The following ACVR1C variants were observed in gnomAD, a reference collection of about 807,000 sequenced individuals.
The protein encoded by ACVR1C is activin receptor type-1C.
ACVR1C carries 23 observed loss-of-function variants against 57.9 expected under a neutral mutation model. The ratio of observed to expected loss-of-function variants is 0.40; its 90% CI spans 0.29 to 0.56. The LOEUF (loss-of-function observed/expected upper bound fraction) is 0.56, where lower values mean the gene tolerates loss of function less well. ACVR1C is among the 20% of genes least tolerant of loss of function. The pLI is 0.50. For synonymous variants in ACVR1C, 214 were observed against 215.3 expected (o/e 0.99, Z 0.05); for missense variants, 480 against 607.9 (o/e 0.79, Z 2.21).
At chr2:157,542,044 A>G (rs1348990745) in intron 6 of ACVR1C, among the ~76,000 whole-genome samples, 3 of 152,174 alleles carry the variant, frequency 2.0e-5, no homozygotes, top group Non-Finnish European at 2.9e-5. Flanking sequence ...CTGACCTGAC[A>G]CATGTGTGGT....
chr2:157,568,105 C>T (rs1232664129), intron 2 of ACVR1C, among the ~76,000 whole-genome samples: 5 of 149,056 alleles, frequency 3.4e-5, no homozygotes, highest in Non-Finnish European at 7.4e-5. Flanking sequence ...CATATCCAGC[C>T]AAACTAAGCT....
At position 157,544,533 on chromosome 2, in the gene ACVR1C, A is replaced by G. The variant is rs1687699878; in HGVS notation, c.855T>C (p.Asn285=). The change falls in exon 5 of 9, where the codon AAT becomes AAC. Residue 285 remains asparagine, a synonymous_variant. Transcript: ENST00000243349. ...TGATCATTCCAGCCACGGTCACTATATTTCTATTCAAATAGTCATATAAGG... is the reference window on the plus strand; with the variant it reads ...TGATCATTCCAGCCACGGTCACTATGTTTCTATTCAAATAGTCATATAAGG... ...QGSLYDYLNR[N]IVTVAGMIKL... 2.5e-6 allele frequency: 4 copies of G among 1,614,030 alleles called. No individual in the cohort carries two copies. Among genetic ancestry groups the G allele is most frequent in the Middle Eastern group, 3.3e-4 (2 of 6,062 alleles).
intron 1 of ACVR1C, among the ~76,000 whole-genome samples, chr2:157,588,542 G>C (rs1045118242): frequency 1.3e-5 from 2 of 151,526 alleles, no homozygotes; most frequent in Non-Finnish European, 3.0e-5. Context: ...TCACCCAAAT[G>C]GTGTACATTG....
At chr2:157,558,900 G>C (rs1200763174) in intron 2 of ACVR1C, among the ~76,000 whole-genome samples, 1 of 152,086 alleles carries the variant, frequency 6.6e-6, no homozygotes, top group Non-Finnish European at 1.5e-5. Context: ...TTCTAAAAAA[G>C]CCACAGAATG....
At chr2:157,575,743 T>C (rs1688630033) in intron 2 of ACVR1C, among the ~76,000 whole-genome samples, 1 of 152,192 alleles carries the variant, frequency 6.6e-6, no homozygotes, top group South Asian at 2.1e-4. Flanking sequence ...GTGAAATGGG[T>C]ATGGAAGAAA....
intron 2 of ACVR1C, among the ~76,000 whole-genome samples, chr2:157,575,780 G>A (rs142382285): frequency 2.0e-5 from 3 of 152,228 alleles, no homozygotes; most frequent in African/African-American, 7.2e-5. Flanking sequence ...ACACTTATTT[G>A]TAGTCATATT....
At chr2:157,550,090 T>A in intron 4 of ACVR1C, 72 bp downstream of exon 4, 4 of 967,286 alleles carry the variant, frequency 4.1e-6, no homozygotes, top group Non-Finnish European at 5.9e-6. Context: ...CTAGACAACA[T>A]TTTTTTTTTG....
At chr2:157,575,576 C>T (rs1688625732) in intron 2 of ACVR1C, among the ~76,000 whole-genome samples, 1 of 152,196 alleles carries the variant, frequency 6.6e-6, no homozygotes. Context: ...GCCAACAGTG[C>T]TGTTTTAATG....
intron 2 of ACVR1C, among the ~76,000 whole-genome samples, chr2:157,562,305 A>ATAT (rs56764410): frequency 5.0e-4 from 67 of 134,756 alleles, no homozygotes; most frequent in Non-Finnish European, 6.2e-4. Context: ...AAAAAAAAAA[A>ATAT]ATATATATAT....
chr2:157,564,945 C>T (rs1006185228), intron 2 of ACVR1C, among the ~76,000 whole-genome samples: 13 of 151,906 alleles, frequency 8.6e-5, no homozygotes, highest in East Asian at 1.9e-4. Context: ...ACACACACAC[C>T]GGGACCTGTC....
chr2:157,600,818 T>C (rs1169410699), intron 1 of ACVR1C, among the ~76,000 whole-genome samples: 1 of 152,192 alleles, frequency 6.6e-6, no homozygotes. Flanking sequence ...TTTCCAACAC[T>C]GACCATGAGG....
chr2:157,596,706 C>A (rs13019116), intron 1 of ACVR1C, among the ~76,000 whole-genome samples: 70,843 of 152,062 alleles, frequency 0.47, 17,827 homozygotes, highest in African/African-American at 0.66. Context: ...CAATTCATAG[C>A]TAATATACAA....
chr2:157,545,487 C>CAACATATAAAATATATAA (rs1687729834), intron 4 of ACVR1C, among the ~76,000 whole-genome samples: 1 of 152,146 alleles, frequency 6.6e-6, no homozygotes, highest in African/African-American at 2.4e-5. Flanking sequence ...CATTAACATA[C>CAACATATAAAATATATAA]AACATATAAA....
At chr2:157,562,897 A>G (rs1688276007) in intron 2 of ACVR1C, among the ~76,000 whole-genome samples, 1 of 152,230 alleles carries the variant, frequency 6.6e-6, no homozygotes, top group Non-Finnish European at 1.5e-5. Context: ...GAAGCAGAAA[A>G]GGCCTTCTAT....
chr2:157,618,018 TGACAACA>T (rs1682691690), intron 1 of ACVR1C, among the ~76,000 whole-genome samples: 1 of 151,678 alleles, frequency 6.6e-6, no homozygotes, highest in Non-Finnish European at 1.5e-5. Flanking sequence ...TGAAAGAAAA[TGACAACA>T]GATATAAACT....
chr2:157,556,828 T>G (rs909506700), intron 2 of ACVR1C, among the ~76,000 whole-genome samples: 3 of 151,990 alleles, frequency 2.0e-5, no homozygotes, highest in African/African-American at 7.3e-5. Context: ...CATGCCCAGC[T>G]AATTTTTCTA....
At chr2:157,614,678 A>G (rs1308954013) in intron 1 of ACVR1C, among the ~76,000 whole-genome samples, 1 of 152,214 alleles carries the variant, frequency 6.6e-6, no homozygotes, top group African/African-American at 2.4e-5. Context: ...TTGAAGCTCT[A>G]TGGCTAGAAG....
intron 1 of ACVR1C, among the ~76,000 whole-genome samples, chr2:157,605,322 G>A (rs1255668807): frequency 1.3e-5 from 2 of 151,630 alleles, no homozygotes; most frequent in African/African-American, 4.8e-5. Context: ...GGTACTACGA[G>A]CATTCCAACT....
At chr2:157,593,729 T>C (rs550791919) in intron 1 of ACVR1C, among the ~76,000 whole-genome samples, 2 of 152,310 alleles carry the variant, frequency 1.3e-5, no homozygotes, top group South Asian at 4.1e-4. Flanking sequence ...TTTCTATTCC[T>C]TGTCAAAATT....
Sources: allele counts gnomAD v4.1 joint callset (sites outside exome capture counted in the v4.1 genomes callset), GRCh38; gene constraint gnomAD v4.1.1; transcripts MANE v1.5; gene names NCBI Gene and HGNC (gene_info 2026-07-23, HGNC 2026-07-21).